The following PPP3R1 variants were observed in gnomAD, a reference collection of about 807,000 sequenced individuals.
PPP3R1 encodes protein phosphatase 3 regulatory subunit B, alpha.
Under a neutral mutation model 22.6 loss-of-function variants are expected in PPP3R1, and 5 were observed. That is an observed-to-expected ratio of 0.22 (90% confidence interval 0.12 to 0.46). The LOEUF is 0.46. Among genes scored for constraint, PPP3R1 ranks in the 20% least tolerant of loss-of-function variants. The pLI, the probability that PPP3R1 is intolerant of heterozygous loss-of-function variation, is 0.99. For missense variants in PPP3R1, 61 were observed against 203.2 expected (o/e 0.30, Z 4.25); for synonymous variants, 56 against 65.2 (o/e 0.86, Z 0.68).
chr2:68,204,581 A>T (rs1675069442), intron 2 of PPP3R1, among the ~76,000 whole-genome samples: 1 of 152,080 alleles, frequency 6.6e-6, no homozygotes, highest in Admixed American at 6.6e-5. Flanking sequence ...CTTTGCTTCT[A>T]TTTCCTCATC....
chr2:68,205,226 A>G (rs1675090350), intron 2 of PPP3R1, among the ~76,000 whole-genome samples: 1 of 150,492 alleles, frequency 6.6e-6, no homozygotes, highest in Non-Finnish European at 1.5e-5. Context: ...ATTTCCTTGT[A>G]AGTAATCAGT....
At position 68,198,062 on chromosome 2, in the gene PPP3R1, C is replaced by CAAAAAAAAAAAAAA. The variant is rs199824687; in HGVS notation, c.44-9386_44-9373dup. Among the ~76,000 whole-genome samples the CAAAAAAAAAAAAAA allele has an allele frequency of 1.9e-4, 8 of 42,002 alleles. 2 individuals carry two copies. The highest frequency in any genetic ancestry group is 8.8e-4 in the African/African-American group (8 of 9,098). The allele number at this position is 42,002 out of a possible 152,430, so 27.6% of individuals were successfully genotyped here. On this transcript the variant is annotated intron_variant, in intron 2 of 5. Transcript: ENST00000234310. ...GCTCCCTTTACAACGGCACCTTTGG[C>CAAAAAAAAAAAAAA]AAAAAAAAAAAAAAAAAAAAAAAAA...
intron 2 of PPP3R1, among the ~76,000 whole-genome samples, chr2:68,198,650 C>T (rs966185374): frequency 6.6e-6 from 1 of 151,888 alleles, no homozygotes; most frequent in Non-Finnish European, 1.5e-5. Context: ...TTTTAAAATG[C>T]TGACTCTTCT....
chr2:68,221,683 GA>G (rs963308143), intron 1 of PPP3R1, among the ~76,000 whole-genome samples: 39 of 142,416 alleles, frequency 2.7e-4, no homozygotes, highest in Admixed American at 1.5e-3. Context: ...AAGAAACATG[GA>G]AAAAAAAAAG....
chr2:68,222,875 A>G (rs1669712559), intron 1 of PPP3R1, among the ~76,000 whole-genome samples: 1 of 152,246 alleles, frequency 6.6e-6, no homozygotes, highest in African/African-American at 2.4e-5. Context: ...AAAGCAAATG[A>G]GAAAAAAAAG....
At position 68,188,434 on chromosome 2, in the gene PPP3R1, T is replaced by TG. The variant is rs1294298874; in HGVS notation, c.220+79_220+80insC. On this transcript the variant is annotated intron_variant, in intron 3 of 5. Coordinates refer to ENST00000234310, the MANE Select transcript of PPP3R1 (RefSeq NM_000945.4). ...AAGGTCACTAGGAATATAAGCACTT[T>TG]TTTTTTTTTTTTACACAGAGCTGTA... The TG allele has an allele frequency of 4.5e-5, 42 of 936,248 alleles. No homozygotes were observed. The African/African-American group carries it at 6.3e-4, about 14-fold the overall frequency. The allele number at this position is 936,248 out of a possible 1,614,324, so 58.0% of individuals were successfully genotyped here. A position where few individuals can be genotyped will look rare whatever the true frequency, so the allele number is the denominator to read the frequency against.
chr2:68,215,028 G>T (rs1370903432), intron 2 of PPP3R1, among the ~76,000 whole-genome samples: 1 of 152,066 alleles, frequency 6.6e-6, no homozygotes, highest in Non-Finnish European at 1.5e-5. Flanking sequence ...GCAAACGCAT[G>T]AACAGAAAAC....
At chr2:68,245,828 CAT>C (rs537864034) in intron 1 of PPP3R1, among the ~76,000 whole-genome samples, 49 of 152,296 alleles carry the variant, frequency 3.2e-4, no homozygotes, top group African/African-American at 1.2e-3. Flanking sequence ...CAACTTAACA[CAT>C]GACTTCCTTT....
intron 1 of PPP3R1, among the ~76,000 whole-genome samples, chr2:68,239,336 G>T (rs1374997286): frequency 6.6e-6 from 1 of 152,148 alleles, no homozygotes; most frequent in East Asian, 1.9e-4. Flanking sequence ...AAGTCAATTT[G>T]TGTTACAGAA....
intron 1 of PPP3R1, among the ~76,000 whole-genome samples, chr2:68,229,886 G>T (rs1256176412): frequency 6.6e-6 from 1 of 150,826 alleles, no homozygotes; most frequent in Non-Finnish European, 1.5e-5. Context: ...ATGTATGTGT[G>T]TATATATATA....
At chr2:68,249,341 A>G (rs1670294295) in intron 1 of PPP3R1, among the ~76,000 whole-genome samples, 1 of 152,156 alleles carries the variant, frequency 6.6e-6, no homozygotes, top group African/African-American at 2.4e-5. Context: ...CAGAATCTGA[A>G]CTAGAATATG....
intron 1 of PPP3R1, among the ~76,000 whole-genome samples, chr2:68,224,771 T>C (rs530605882): frequency 3.9e-5 from 6 of 152,132 alleles, no homozygotes; most frequent in Admixed American, 3.3e-4. Context: ...ACACACAATT[T>C]TCAAGAAAGG....
intron 2 of PPP3R1, among the ~76,000 whole-genome samples, chr2:68,200,287 G>A (rs917455417): frequency 6.6e-6 from 1 of 152,074 alleles, no homozygotes; most frequent in Admixed American, 6.5e-5. Flanking sequence ...ATTGTGTTTT[G>A]TTTTCTAGAT....
In PPP3R1 at chr2:68,180,900, T is replaced by C. The variant is rs776266611; in HGVS notation, c.*63A>G. On this transcript the variant is annotated 3_prime_UTR_variant, in exon 6 of 6. Transcript: ENST00000234310. The stretch of plus-strand genomic sequence containing the variant: ...TACACAGAGAGCATTGCTGGACGTC[T>C]TGAGCAGATCTTCAGAGATGGAGAA... 8.7e-6 allele frequency: 13 copies of C among 1,491,142 alleles called. No homozygotes were observed. Among genetic ancestry groups the C allele is most frequent in the Non-Finnish European group, 1.2e-5 (13 of 1,071,702 alleles). The allele number at this position is 1,491,142 out of a possible 1,614,324, so 92.4% of individuals were successfully genotyped here.
rs762045703 is a variant in PPP3R1, at chr2:68,252,087, G to C, written c.3+38C>G. On this transcript the variant is annotated intron_variant, in intron 1 of 5. Transcript: ENST00000234310. ...GCACCCGACCCGGACGGCGGCAGTA[G>C]GGGGAGGGATGGTGCATCGAGGAAG... The C allele has an allele frequency of 4.3e-6, 6 of 1,408,176 alleles. No individual in the cohort carries two copies. In the Admixed American group the frequency reaches 1.0e-4, roughly 25 times the overall value. The allele number at this position is 1,408,176 out of a possible 1,614,324, so 87.2% of individuals were successfully genotyped here.
intron 1 of PPP3R1, among the ~76,000 whole-genome samples, chr2:68,217,528 C>G (rs1669602975): frequency 1.3e-5 from 2 of 152,182 alleles, no homozygotes; most frequent in South Asian, 4.1e-4. Context: ...CCAACTCTAA[C>G]TGAAGAGTTT....
At chr2:68,240,085 G>A (rs551175485) in intron 1 of PPP3R1, among the ~76,000 whole-genome samples, 7 of 152,280 alleles carry the variant, frequency 4.6e-5, no homozygotes, top group Admixed American at 2.0e-4. Flanking sequence ...TGTATTCAAC[G>A]CATTTTCAAC....
intron 5 of PPP3R1, 133 bp downstream of exon 5, chr2:68,186,335 A>G (rs190653657): frequency 2.5e-6 from 2 of 803,042 alleles, no homozygotes; most frequent in African/African-American, 1.7e-5. Context: ...ACACATTTCA[A>G]AACAATACGG....
chr2:68,237,457 CATA>C (rs1670039640), intron 1 of PPP3R1, among the ~76,000 whole-genome samples: 1 of 152,046 alleles, frequency 6.6e-6, no homozygotes, highest in South Asian at 2.1e-4. Flanking sequence ...TGTTACTTCT[CATA>C]ATATCAAATT....
Sources: allele counts gnomAD v4.1 joint callset (sites outside exome capture counted in the v4.1 genomes callset), GRCh38; gene constraint gnomAD v4.1.1; transcripts MANE v1.5; gene names NCBI Gene and HGNC (gene_info 2026-07-23, HGNC 2026-07-21).